Variants in ROBO1 observed in about 807,000 individuals in gnomAD.
The protein encoded by ROBO1 is roundabout guidance receptor 1, also known as roundabout homolog 1.
A neutral mutation model predicts 195.9 loss-of-function variants in ROBO1; 149 were observed. The observed-to-expected ratio is 0.76, with a 90% CI of 0.67 to 0.87. The LOEUF (loss-of-function observed/expected upper bound fraction) is 0.87, where lower values mean the gene tolerates loss of function less well. ROBO1 is among the 40% of genes least tolerant of loss of function. The pLI is 0.00. For synonymous variants in ROBO1, 816 were observed against 733.2 expected (o/e 1.11, Z -1.82); for missense variants, 1,933 against 2,068.3 (o/e 0.93, Z 1.27).
chr3:79,427,840 A>G (rs900708359), intron 2 of ROBO1, among the ~76,000 whole-genome samples: 2 of 152,046 alleles, frequency 1.3e-5, no homozygotes, highest in African/African-American at 4.8e-5. Flanking sequence ...TGAAACTACT[A>G]AAAGAAAACA....
At chr3:79,459,328 A>G (rs150533949) in intron 2 of ROBO1, among the ~76,000 whole-genome samples, 2 of 152,272 alleles carry the variant, frequency 1.3e-5, no homozygotes, top group African/African-American at 2.4e-5. Flanking sequence ...AAAATTAGTT[A>G]TTCTCTACAA....
At chr3:79,521,639 T>C (rs1941214174) in intron 2 of ROBO1, among the ~76,000 whole-genome samples, 1 of 152,158 alleles carries the variant, frequency 6.6e-6, no homozygotes, top group East Asian at 1.9e-4. Flanking sequence ...ACACAAAAGG[T>C]ATTCTGAAGT....
intron 2 of ROBO1, among the ~76,000 whole-genome samples, chr3:79,477,840 C>CTT (rs1442072751): frequency 4.6e-5 from 7 of 152,046 alleles, no homozygotes; most frequent in Non-Finnish European, 1.5e-5. Context: ...GTTTAAGGTC[C>CTT]ATGGATTCAA....
chr3:79,708,047 G>A (rs1702122944), intron 1 of ROBO1, among the ~76,000 whole-genome samples: 2 of 152,082 alleles, frequency 1.3e-5, no homozygotes, highest in South Asian at 4.1e-4. Flanking sequence ...TGATGAAAGA[G>A]TTAAGAATAT....
At chr3:79,016,084 A>ACAC (rs1163978456) in intron 3 of ROBO1, among the ~76,000 whole-genome samples, 5 of 152,224 alleles carry the variant, frequency 3.3e-5, no homozygotes, top group African/African-American at 9.7e-5. Flanking sequence ...AAGACATGAA[A>ACAC]CACAATCTTT....
intron 5 of ROBO1, among the ~76,000 whole-genome samples, chr3:78,746,482 T>A (rs971128783): frequency 1.3e-5 from 2 of 152,174 alleles, no homozygotes; most frequent in African/African-American, 2.4e-5. Flanking sequence ...AAGTCATACA[T>A]AAAAGTGTTA....
chr3:78,829,811 G>GC (rs1335003868), intron 4 of ROBO1, among the ~76,000 whole-genome samples: 10 of 152,034 alleles, frequency 6.6e-5, no homozygotes, highest in Admixed American at 5.9e-4. Context: ...TGTTTCTATG[G>GC]GTAAATAAGG....
chr3:79,318,627 C>T (rs377083072), intron 2 of ROBO1, among the ~76,000 whole-genome samples: 2 of 152,180 alleles, frequency 1.3e-5, no homozygotes, highest in South Asian at 4.1e-4. Context: ...ACTTCTGACA[C>T]ACCAGTGAAT....
intron 2 of ROBO1, among the ~76,000 whole-genome samples, chr3:79,539,398 G>A (rs1456967169): frequency 6.6e-6 from 1 of 152,028 alleles, no homozygotes; most frequent in Non-Finnish European, 1.5e-5. Context: ...AAAGAAATGT[G>A]TGTTTTAAAA....
chr3:79,599,981 G>A (rs1052126533), intron 1 of ROBO1, among the ~76,000 whole-genome samples: 6 of 150,750 alleles, frequency 4.0e-5, no homozygotes, highest in Non-Finnish European at 4.4e-5. Context: ...CCAAATTCAC[G>A]AAGATGATTC....
At position 78,945,037 on chromosome 3, in the gene ROBO1, A is replaced by G. The variant is rs183568426; in HGVS notation, c.173-6110T>C. 7.4e-3 allele frequency among the ~76,000 whole-genome samples: 1,127 copies of G among 152,282 alleles called. 12 individuals carry two copies. Among genetic ancestry groups the G allele is most frequent in the African/African-American group, 0.026 (1,087 of 41,556 alleles). ...GCTACCGGGAAGCTCAAACTGGGTG[A>G]AGCCCACCACAGCTCAAGGAGGCCT... On this transcript the variant is annotated intron_variant, in intron 3 of 30. Transcript: ENST00000464233.
At chr3:79,116,482 C>T (rs2080003036) in intron 3 of ROBO1, among the ~76,000 whole-genome samples, 1 of 138,780 alleles carries the variant, frequency 7.2e-6, no homozygotes, top group African/African-American at 2.7e-5. Context: ...TTCTCTCTTT[C>T]TCTCCTTCTC....
chr3:79,318,679 C>A (rs536967195), intron 2 of ROBO1, among the ~76,000 whole-genome samples: 1 of 152,120 alleles, frequency 6.6e-6, no homozygotes, highest in Non-Finnish European at 1.5e-5. Flanking sequence ...GTTTTTCAAC[C>A]ACAATAGCGA....
chr3:78,885,909 T>TTATATATA (rs10651992), intron 4 of ROBO1, among the ~76,000 whole-genome samples: 2,839 of 117,580 alleles, frequency 0.024, 61 homozygotes, highest in South Asian at 0.033. Context: ...TAGCAAAATT[T>TTATATATA]TATATATATA....
chr3:79,758,313 T>C (rs1276542380), intron 1 of ROBO1, among the ~76,000 whole-genome samples: 1 of 152,232 alleles, frequency 6.6e-6, no homozygotes, highest in African/African-American at 2.4e-5. Context: ...TAAATTAAAA[T>C]AAATTTAATT....
intron 2 of ROBO1, among the ~76,000 whole-genome samples, chr3:79,515,804 C>T (rs1940919538): frequency 1.3e-5 from 2 of 152,122 alleles, no homozygotes; most frequent in African/African-American, 2.4e-5. Flanking sequence ...AATGTTCATG[C>T]AACTTTCTAG....
chr3:78,655,330 G>C (rs1706937051), intron 18 of ROBO1, among the ~76,000 whole-genome samples: 1 of 152,074 alleles, frequency 6.6e-6, no homozygotes. Context: ...TAGTTTTGAG[G>C]TTACCCCATT....
chr3:78,967,006 A>G (rs180765491), intron 3 of ROBO1, among the ~76,000 whole-genome samples: 135 of 152,336 alleles, frequency 8.9e-4, no homozygotes, highest in African/African-American at 3.1e-3. Flanking sequence ...CCTACCTCAC[A>G]GGATTGTTAC....
At chr3:79,293,714 T>A (rs984107118) in intron 2 of ROBO1, among the ~76,000 whole-genome samples, 6 of 152,142 alleles carry the variant, frequency 3.9e-5, no homozygotes, top group Admixed American at 3.3e-4. Flanking sequence ...AATTTATAGA[T>A]TCAATGCTAT....
Sources: gnomAD v4.1 joint callset for allele counts (sites outside exome capture counted in the v4.1 genomes callset) on GRCh38, gnomAD v4.1.1 for gene constraint, MANE v1.5 for transcripts, NCBI Gene and HGNC (gene_info 2026-07-23, HGNC 2026-07-21) for gene names.